PTPRG: variants seen among roughly 807,000 people sequenced by gnomAD.
PTPRG encodes the protein receptor-type tyrosine-protein phosphatase gamma.
Under a neutral mutation model 165.3 loss-of-function variants are expected in PTPRG, and 102 were observed. The ratio of observed to expected loss-of-function variants is 0.62; its 90% CI spans 0.53 to 0.73. The LOEUF (loss-of-function observed/expected upper bound fraction) is 0.73. Ranked by LOEUF, PTPRG falls within the 30% of genes least tolerant of loss-of-function variation. The pLI is 0.00. For missense variants in PTPRG, 1,866 were observed against 1,861.4 expected (o/e 1.00, Z -0.05); for synonymous variants, 675 against 669.5 (o/e 1.01, Z -0.13).
chr3:62,150,450 C>T (rs1467982374), intron 6 of PTPRG, among the ~76,000 whole-genome samples: 1 of 152,202 alleles, frequency 6.6e-6, no homozygotes, highest in Non-Finnish European at 1.5e-5. Flanking sequence ...CATCCCAGAC[C>T]TACTGGATCA....
At chr3:62,081,260 ACAAACAAACAAAC>A (rs1701566398) in intron 5 of PTPRG, among the ~76,000 whole-genome samples, 3 of 134,300 alleles carry the variant, frequency 2.2e-5, no homozygotes, top group Non-Finnish European at 4.7e-5. Context: ...CCGTCTCAAA[ACAAACAAACAAAC>A]AAACAAACAA....
chr3:61,685,355 A>C (rs1196877816), intron 1 of PTPRG, among the ~76,000 whole-genome samples: 2 of 152,300 alleles, frequency 1.3e-5, no homozygotes, highest in Middle Eastern at 3.4e-3. Context: ...GGTTGGTTAA[A>C]ATTAAGAGTG....
At chr3:61,782,310 A>G (rs1431169164) in intron 2 of PTPRG, among the ~76,000 whole-genome samples, 2 of 152,098 alleles carry the variant, frequency 1.3e-5, no homozygotes, top group African/African-American at 2.4e-5. Context: ...GATGTTGTTT[A>G]TTTTCCAAGG....
chr3:61,735,743 GA>G (rs1340988192), intron 1 of PTPRG, among the ~76,000 whole-genome samples: 2 of 152,138 alleles, frequency 1.3e-5, no homozygotes, highest in African/African-American at 4.8e-5. Flanking sequence ...AGGTGCTAAA[GA>G]CAAAGTCTTT....
intron 8 of PTPRG, among the ~76,000 whole-genome samples, chr3:62,189,573 C>T (rs937963548): frequency 1.3e-5 from 2 of 152,192 alleles, no homozygotes; most frequent in African/African-American, 4.8e-5. Context: ...CCCTCCCCTG[C>T]CCTCCTTACC....
intron 1 of PTPRG, among the ~76,000 whole-genome samples, chr3:61,672,504 G>T (rs1320893656): frequency 2.0e-4 from 30 of 148,642 alleles, no homozygotes; most frequent in African/African-American, 7.5e-4. Flanking sequence ...GATCACTCGC[G>T]GTTAGGAGCT....
chr3:62,038,140 G>A (rs1700010041), intron 4 of PTPRG, among the ~76,000 whole-genome samples: 1 of 152,104 alleles, frequency 6.6e-6, no homozygotes, highest in Non-Finnish European at 1.5e-5. Flanking sequence ...CTACTAAATA[G>A]GGATAAAACT....
At chr3:62,230,128 C>T (rs902926588) in intron 13 of PTPRG, among the ~76,000 whole-genome samples, 4 of 152,200 alleles carry the variant, frequency 2.6e-5, no homozygotes, top group Admixed American at 1.3e-4. Context: ...CAATCCCTCC[C>T]CCCTTTTAAT....
At chr3:62,072,782 T>TA (rs1054407772) in intron 4 of PTPRG, among the ~76,000 whole-genome samples, 1 of 152,336 alleles carries the variant, frequency 6.6e-6, no homozygotes, top group Admixed American at 6.5e-5. Flanking sequence ...CATCGACCTT[T>TA]AAGCTATATA....
intron 5 of PTPRG, among the ~76,000 whole-genome samples, chr3:62,082,386 C>A (rs1433937253): frequency 1.3e-5 from 2 of 152,204 alleles, no homozygotes; most frequent in Non-Finnish European, 2.9e-5. Flanking sequence ...TGAACCCTTA[C>A]ATTGGCCTAG....
chr3:61,982,893 T>C lies in PTPRG; in HGVS notation c.191-6732T>C, dbSNP rs1386332871. Among the ~76,000 whole-genome samples the C allele has an allele frequency of 2.0e-5, 3 of 152,336 alleles. No homozygotes were observed. The South Asian group carries it at 6.2e-4, about 32-fold the overall frequency. On this transcript the variant is annotated intron_variant, in intron 2 of 29. Coordinates refer to ENST00000474889, the MANE Select transcript of PTPRG (RefSeq NM_002841.4). The stretch of plus-strand genomic sequence containing the variant: ...TAGTTAGTTTCTATTTCTGGTGTTA[T>C]TGTCTGATATTACTTCTGGTATTAT...
chr3:61,681,116 A>C (rs1361796072), intron 1 of PTPRG, among the ~76,000 whole-genome samples: 1 of 150,442 alleles, frequency 6.6e-6, no homozygotes, highest in Non-Finnish European at 1.5e-5. Context: ...CCCTGGAGCC[A>C]TTTCTGTCTC....
intron 2 of PTPRG, among the ~76,000 whole-genome samples, chr3:61,912,066 G>GT (rs2038814916): frequency 6.6e-6 from 1 of 152,120 alleles, no homozygotes; most frequent in Admixed American, 6.5e-5. Context: ...TGTGAGTGGT[G>GT]TAAGGAGCGA....
At chr3:61,893,563 A>T (rs1275760689) in intron 2 of PTPRG, among the ~76,000 whole-genome samples, 1 of 152,228 alleles carries the variant, frequency 6.6e-6, no homozygotes, top group Non-Finnish European at 1.5e-5. Flanking sequence ...GATGGCTCAT[A>T]CAAAAATCCA....
chr3:61,705,511 G>GAA (rs112939440), intron 1 of PTPRG, among the ~76,000 whole-genome samples: 7 of 148,848 alleles, frequency 4.7e-5, no homozygotes, highest in African/African-American at 1.5e-4. Flanking sequence ...GATGTTTAAA[G>GAA]AAAAAAAAAA....
intron 8 of PTPRG, 84 bp from the exon 9 acceptor site, chr3:62,191,385 T>G: frequency 7.5e-7 from 1 of 1,337,088 alleles, no homozygotes; most frequent in Non-Finnish European, 1.0e-6. Flanking sequence ...TCTTTCAACT[T>G]TTTGAGGCTG....
At chr3:62,142,196 A>G (rs905840930) in intron 6 of PTPRG, among the ~76,000 whole-genome samples, 4 of 151,996 alleles carry the variant, frequency 2.6e-5, no homozygotes, top group African/African-American at 4.8e-5. Flanking sequence ...TTCTGAAGAA[A>G]ACATTGTGCA....
rs2040330286 is a variant in PTPRG at position 61,968,965 on chromosome 3, C to T, written c.191-20660C>T. On this transcript the variant is annotated intron_variant, in intron 2 of 29. Coordinates refer to ENST00000474889, the MANE Select transcript of PTPRG (RefSeq NM_002841.4). ...TCTGTACTCTGTACATTTTACTGAA[C>T]AGATGATGTCACGTATAATTAAAAC... is the stretch of plus-strand genomic sequence containing the variant. 2.0e-5 allele frequency among the ~76,000 whole-genome samples: 3 copies of T among 152,168 alleles called. No individual in the cohort carries two copies. In the South Asian group the frequency reaches 6.2e-4, roughly 31 times the overall value.
chr3:62,032,054 T>A (rs900599121), intron 4 of PTPRG, among the ~76,000 whole-genome samples: 2 of 152,216 alleles, frequency 1.3e-5, no homozygotes, highest in African/African-American at 4.8e-5. Flanking sequence ...GCCTTAGGGC[T>A]AATGAGAATT....
Sources: gnomAD v4.1 joint callset for allele counts (sites outside exome capture counted in the v4.1 genomes callset) on GRCh38, gnomAD v4.1.1 for gene constraint, MANE v1.5 for transcripts, NCBI Gene and HGNC (gene_info 2026-07-23, HGNC 2026-07-21) for gene names.